Variants in MTCL2 observed in about 807,000 individuals in gnomAD.
The protein encoded by MTCL2 is microtubule cross-linking factor 2.
At chr20:36,810,061 C>G in the MTCL2 span, 1 of 1,598,664 alleles carries the variant, frequency 6.3e-7, no homozygotes, top group Non-Finnish European at 8.5e-7. Context: ...TTGCAAGCCC[C>G]GGAGGCTGTC....
At chr20:36,847,465 G>A in the MTCL2 span, among the ~76,000 whole-genome samples, 1 of 152,278 alleles carries the variant, frequency 6.6e-6, no homozygotes, top group East Asian at 1.9e-4. Context: ...GAAGGGCAGG[G>A]GCTGGTTTGT....
the MTCL2 span, chr20:36,839,555 G>C: frequency 1.1e-6 from 1 of 890,974 alleles, no homozygotes; most frequent in South Asian, 1.8e-5. The surrounding 1 kb of genome is among the most constrained non-coding windows in gnomAD (Gnocchi z 5.1). Context: ...GATGTGGCAG[G>C]CTGAATGACA....
chr20:36,808,675 C>G, the MTCL2 span: 1 of 1,611,510 alleles, frequency 6.2e-7, no homozygotes, highest in South Asian at 1.1e-5. Flanking sequence ...GCTCCAGCCT[C>G]CGCTGGAGGC....
At chr20:36,859,826 T>C in the MTCL2 span, 1 of 1,231,668 alleles carries the variant, frequency 8.1e-7, no homozygotes, top group Admixed American at 4.2e-5. Flanking sequence ...TTGTACTCAG[T>C]TTCTGCATCT....
chr20:36,853,702 GGTGTGTGTGT>G, the MTCL2 span, among the ~76,000 whole-genome samples: 165 of 143,916 alleles, frequency 1.1e-3, no homozygotes, highest in East Asian at 8.2e-3. Flanking sequence ...ATCAGGGAGG[GGTGTGTGTGT>G]GTGTGTGTGT....
the MTCL2 span, among the ~76,000 whole-genome samples, chr20:36,836,927 T>C: frequency 6.6e-6 from 1 of 152,204 alleles, no homozygotes. Context: ...CTGCTGGCCT[T>C]TGAAACCATG....
the MTCL2 span, among the ~76,000 whole-genome samples, chr20:36,811,629 A>G: frequency 1.4e-5 from 2 of 141,448 alleles, no homozygotes; most frequent in Non-Finnish European, 3.1e-5. Flanking sequence ...GACTCAGTCT[A>G]AAAAAAAAAA....
At chr20:36,814,966 G>A in the MTCL2 span, among the ~76,000 whole-genome samples, 3 of 152,168 alleles carry the variant, frequency 2.0e-5, no homozygotes, top group East Asian at 1.9e-4. Flanking sequence ...GAGAGTGAGG[G>A]GGGGAGAATG....
At chr20:36,832,922 T>C in the MTCL2 span, among the ~76,000 whole-genome samples, 1 of 152,104 alleles carries the variant, frequency 6.6e-6, no homozygotes, top group African/African-American at 2.4e-5. Context: ...TTGTCCCTGC[T>C]CCTCAGTGAG....
chr20:36,849,344 C>T, the MTCL2 span, among the ~76,000 whole-genome samples: 1 of 152,026 alleles, frequency 6.6e-6, no homozygotes, highest in Non-Finnish European at 1.5e-5. Context: ...CAGGTGTGAG[C>T]CACCGCACCC....
At chr20:36,824,092 AAG>A in the MTCL2 span, among the ~76,000 whole-genome samples, 1 of 152,058 alleles carries the variant, frequency 6.6e-6, no homozygotes, top group Admixed American at 6.6e-5. Flanking sequence ...GCAACACCAG[AAG>A]AGTCAGTGCG....
At chr20:36,816,366 G>T in the MTCL2 span, 1 of 1,427,010 alleles carries the variant, frequency 7.0e-7, no homozygotes. Flanking sequence ...CTCAGTACCA[G>T]CCATGGCATT....
chr20:36,847,434 A>G, the MTCL2 span, among the ~76,000 whole-genome samples: 6 of 152,272 alleles, frequency 3.9e-5, no homozygotes, highest in East Asian at 3.9e-4. Context: ...TTTCATGTCA[A>G]TCTTCCCCAA....
At chr20:36,815,236 C>T in the MTCL2 span, 11 of 1,614,018 alleles carry the variant, frequency 6.8e-6, no homozygotes, top group African/African-American at 2.7e-5. This position sits in a 1 kb window ranked among gnomAD's most constrained non-coding sequence, Gnocchi z 5.3. Flanking sequence ...ACAGAGCACC[C>T]GAGGACTGCA....
At chr20:36,863,135 C>G in the MTCL2 span, 5 of 1,396,394 alleles carry the variant, frequency 3.6e-6, no homozygotes, top group Non-Finnish European at 4.7e-6. This position sits in a 1 kb window ranked among gnomAD's most constrained non-coding sequence, Gnocchi z 6.2. Context: ...CCTTCTTGTC[C>G]GGCCGTGAGG....
the MTCL2 span, chr20:36,797,526 C>T: frequency 6.4e-7 from 1 of 1,555,934 alleles, no homozygotes; most frequent in Non-Finnish European, 8.7e-7. Context: ...TGTCCTGCTT[C>T]TCCAGCTCCG....
chr20:36,778,186 T>G, the MTCL2 span: 1 of 186,112 alleles, frequency 5.4e-6, no homozygotes, highest in African/African-American at 2.3e-5. Context: ...GGAGCGACTA[T>G]AGGGTTGGTT....
the MTCL2 span, among the ~76,000 whole-genome samples, chr20:36,827,082 T>C: frequency 4.6e-5 from 7 of 151,764 alleles, no homozygotes; most frequent in African/African-American, 1.5e-4. Context: ...TTCACTTTTG[T>C]CGCCCAGGCT....
the MTCL2 span, among the ~76,000 whole-genome samples, chr20:36,820,837 G>A: frequency 1.3e-5 from 2 of 151,026 alleles, no homozygotes; most frequent in Non-Finnish European, 3.0e-5. Context: ...GTAAGACTCT[G>A]TCTCAAAAAA....
Sources: gnomAD v4.1 joint callset for allele counts (sites outside exome capture counted in the v4.1 genomes callset) on GRCh38, gnomAD v4.1.1 for gene constraint, Gnocchi (gnomAD v3.1) non-coding constraint, MANE v1.5 for transcripts, NCBI Gene and HGNC (gene_info 2026-07-23, HGNC 2026-07-21) for gene names.